The following RAI14 variants were observed in gnomAD, a reference collection of about 807,000 sequenced individuals.
RAI14 encodes the protein retinoic acid induced 14, also known as ankycorbin.
Under a neutral mutation model 115.4 loss-of-function variants are expected in RAI14, and 45 were observed. That is an observed-to-expected ratio of 0.39 (90% CI 0.31 to 0.50). The LOEUF (loss-of-function observed/expected upper bound fraction) is 0.50. Among genes scored for constraint, RAI14 ranks in the 20% least tolerant of loss-of-function variants. The probability of loss-of-function intolerance (pLI) is 0.85; values close to 1 mark genes in which losing one functional copy is unlikely to be tolerated. For missense variants in RAI14, 939 were observed against 1,131.2 expected, an observed-to-expected ratio of 0.83 and a Z score of 2.44; for synonymous variants, 371 against 415.4, an observed-to-expected ratio of 0.89 and a Z score of 1.30.
chr5:34,711,693 G>A (rs151100258), intron 2 of RAI14, among the ~76,000 whole-genome samples: 5 of 152,286 alleles, frequency 3.3e-5, no homozygotes, highest in African/African-American at 9.6e-5. Flanking sequence ...GAAGACAGCT[G>A]TCTATGAACC....
At chr5:34,755,342 C>G (rs928439539) in intron 2 of RAI14, among the ~76,000 whole-genome samples, 1 of 152,142 alleles carries the variant, frequency 6.6e-6, no homozygotes, top group South Asian at 2.1e-4. Context: ...TGATGTTGGT[C>G]CAGACACATT....
intron 2 of RAI14, among the ~76,000 whole-genome samples, chr5:34,694,853 T>C (rs1251898617): frequency 2.0e-5 from 3 of 152,064 alleles, no homozygotes; most frequent in Non-Finnish European, 2.9e-5. Context: ...TTGGAAGGGG[T>C]TTTGATGAGA....
intron 3 of RAI14, among the ~76,000 whole-genome samples, chr5:34,758,229 A>T (rs889391572): frequency 2.6e-5 from 4 of 152,220 alleles, no homozygotes; most frequent in African/African-American, 9.6e-5. Context: ...CAGTTTCCTT[A>T]CTATAAAATG....
chr5:34,795,195 G>A (rs1753362477), intron 3 of RAI14, among the ~76,000 whole-genome samples: 1 of 152,186 alleles, frequency 6.6e-6, no homozygotes, highest in South Asian at 2.1e-4. Flanking sequence ...TTCTTCTAGT[G>A]ACCAGTCTAA....
intron 7 of RAI14, among the ~76,000 whole-genome samples, chr5:34,810,082 T>A (rs1295641811): frequency 6.6e-6 from 1 of 152,200 alleles, no homozygotes; most frequent in Non-Finnish European, 1.5e-5. Context: ...TTCACAGAGA[T>A]AGTGCCCAGA....
intron 2 of RAI14, among the ~76,000 whole-genome samples, chr5:34,709,971 C>G (rs1413159930): frequency 6.6e-6 from 1 of 152,154 alleles, no homozygotes; most frequent in Non-Finnish European, 1.5e-5. Context: ...TTCCAAGTGG[C>G]CTTTTGCAGT....
intron 7 of RAI14, 59 bp downstream of exon 7, chr5:34,808,713 GATACC>G (rs1364271397): frequency 7.5e-6 from 11 of 1,474,746 alleles, no homozygotes; most frequent in African/African-American, 1.4e-5. Context: ...AGCTCAATGG[GATACC>G]TCTAGAGTCA....
At chr5:34,799,493 GACACACACACACACACAC>G (rs780186006) in intron 4 of RAI14, among the ~76,000 whole-genome samples, 14,533 of 124,026 alleles carry the variant, frequency 0.12, 960 homozygotes, top group South Asian at 0.16. Flanking sequence ...CACACACACA[GACACACACACACACACAC>G]ACACACACAC....
intron 2 of RAI14, among the ~76,000 whole-genome samples, chr5:34,714,021 C>T (rs1579995737): frequency 6.6e-6 from 1 of 151,626 alleles, no homozygotes; most frequent in Non-Finnish European, 1.5e-5. Flanking sequence ...CCAGGCTGGT[C>T]TCGAACTCCT....
chr5:34,824,607 C>T, intron 15 of RAI14, 116 bp downstream of exon 15: 1 of 843,628 alleles, frequency 1.2e-6, no homozygotes, highest in Non-Finnish European at 1.7e-6. Context: ...CTCAGAGGCT[C>T]TGCACATGAA....
chr5:34,808,526 C>A (rs1188251983), intron 6 of RAI14, 58 bp from the exon 7 acceptor site: 6 of 1,470,168 alleles, frequency 4.1e-6, no homozygotes, highest in Non-Finnish European at 5.7e-6. Flanking sequence ...GTATCTGATA[C>A]CCCTGGTTGT....
intron 2 of RAI14, among the ~76,000 whole-genome samples, chr5:34,729,762 AACT>A (rs1275530872): frequency 1.1e-4 from 16 of 152,210 alleles, no homozygotes; most frequent in Admixed American, 3.9e-4. Context: ...AGGAAGAAGA[AACT>A]CATAAATTAA....
At chr5:34,667,787 G>A (rs1743329363) in intron 1 of RAI14, among the ~76,000 whole-genome samples, 1 of 152,094 alleles carries the variant, frequency 6.6e-6, no homozygotes, top group Non-Finnish European at 1.5e-5. Context: ...CAGCACGAAG[G>A]TCAGAAAAGG....
chr5:34,814,256 T>G (rs1028876874), intron 11 of RAI14, among the ~76,000 whole-genome samples: 1 of 152,218 alleles, frequency 6.6e-6, no homozygotes. Flanking sequence ...CATATTTAAA[T>G]AGTAGAGAGG....
At chr5:34,801,364 T>C (rs1187438580) in intron 4 of RAI14, among the ~76,000 whole-genome samples, 1 of 152,252 alleles carries the variant, frequency 6.6e-6, no homozygotes, top group Non-Finnish European at 1.5e-5. Flanking sequence ...TATGGCCCAC[T>C]AGTTTTTAAA....
At chr5:34,792,181 C>T (rs1752986775) in intron 3 of RAI14, among the ~76,000 whole-genome samples, 1 of 152,058 alleles carries the variant, frequency 6.6e-6, no homozygotes, top group Admixed American at 6.5e-5. Context: ...ATGAATCATA[C>T]ACTTCTAGCT....
chr5:34,776,798 C>CTCCG (rs200849101), intron 3 of RAI14, among the ~76,000 whole-genome samples: 1 of 146,614 alleles, frequency 6.8e-6, no homozygotes. Context: ...CAGAGTGAGA[C>CTCCG]CCTTTATTAA....
chr5:34,720,219 T>C (rs1742492836), intron 2 of RAI14, among the ~76,000 whole-genome samples: 1 of 152,242 alleles, frequency 6.6e-6, no homozygotes, highest in South Asian at 2.1e-4. Context: ...AAAAGAAGTT[T>C]CGCAGAAAAA....
chr5:34,812,289 C>T, intron 10 of RAI14, 81 bp downstream of exon 10: 2 of 1,220,262 alleles, frequency 1.6e-6, no homozygotes, highest in South Asian at 1.3e-5. Context: ...CCACTCTGGT[C>T]CACTAGTAAA....
Sources: allele counts gnomAD v4.1 joint callset (sites outside exome capture counted in the v4.1 genomes callset), GRCh38; gene constraint gnomAD v4.1.1; transcripts MANE v1.5; gene names NCBI Gene and HGNC (gene_info 2026-07-23, HGNC 2026-07-21).